Variants in PAK1 observed in about 807,000 individuals in gnomAD.
PAK1 encodes serine/threonine-protein kinase PAK 1.
Under a neutral mutation model 67.4 loss-of-function variants are expected in PAK1, and 29 were observed. The ratio of observed to expected loss-of-function variants is 0.43; its 90% CI spans 0.32 to 0.59. The LOEUF (loss-of-function observed/expected upper bound fraction) is 0.59, where lower values mean the gene tolerates loss of function less well. PAK1 is among the 20% of genes least tolerant of loss of function. The pLI is 0.07. For synonymous variants in PAK1, 223 were observed against 237.4 expected, an observed-to-expected ratio of 0.94 and a Z score of 0.56; for missense variants, 337 against 670.7, an observed-to-expected ratio of 0.50 and a Z score of 5.50.
rs936665850 is a variant in PAK1 at position 77,322,858 on chromosome 11, A to C, written c.*416T>G. ...TGAGGTGTCTGGGCAGTTGAGTCAC[A>C]GAAAAGCAAGCACTAAAGAAATCTC... On this transcript the variant is annotated 3_prime_UTR_variant, in exon 15 of 15. Transcript: ENST00000356341. 11 of 489,602 alleles carry C rather than the reference A, an allele frequency of 2.2e-5. No homozygotes were observed. Among genetic ancestry groups the C allele is most frequent in the Middle Eastern group, 5.5e-4 (1 of 1,814 alleles). 30.3% of individuals were successfully genotyped at this position (489,602 alleles called of 1,614,324 possible).
chr11:77,482,190 T>A, the PAK1 span, among the ~76,000 whole-genome samples: 1 of 151,904 alleles, frequency 6.6e-6, no homozygotes. Context: ...GGTTTCATCA[T>A]ATTGGTCAGG....
chr11:77,395,701 C>T (rs1253639340), intron 1 of PAK1, among the ~76,000 whole-genome samples: 2 of 152,174 alleles, frequency 1.3e-5, no homozygotes, highest in East Asian at 3.8e-4. Flanking sequence ...CAAACCCTAA[C>T]CCCACTTCTT....
chr11:77,490,989 T>C, the PAK1 span, among the ~76,000 whole-genome samples: 1 of 152,120 alleles, frequency 6.6e-6, no homozygotes, highest in African/African-American at 2.4e-5. Flanking sequence ...ACACAAACAC[T>C]GCGGAAGGCC....
chr11:77,348,303 A>G (rs948796993), intron 9 of PAK1, among the ~76,000 whole-genome samples: 9 of 152,200 alleles, frequency 5.9e-5, no homozygotes, highest in African/African-American at 2.2e-4. Context: ...TCCACAGTTC[A>G]TTGGCTGACA....
At chr11:77,438,120 C>A (rs1956208219) in intron 1 of PAK1, among the ~76,000 whole-genome samples, 1 of 152,106 alleles carries the variant, frequency 6.6e-6, no homozygotes, top group African/African-American at 2.4e-5. Flanking sequence ...AGTTAAAATA[C>A]CTTCCCAAGG....
At chr11:77,408,271 T>C (rs527665224) in intron 1 of PAK1, 1 of 152,266 alleles carries the variant, frequency 6.6e-6, no homozygotes, top group African/African-American at 2.4e-5. Context: ...GGTTCAGAAA[T>C]ATTTGATAAT....
intron 1 of PAK1, among the ~76,000 whole-genome samples, chr11:77,456,959 T>C (rs1035540499): frequency 2.6e-5 from 4 of 152,124 alleles, no homozygotes; most frequent in Non-Finnish European, 5.9e-5. Flanking sequence ...GCCAGAATGG[T>C]CTCAATCTCC....
At chr11:77,354,297 T>C (rs141481062) in intron 7 of PAK1, among the ~76,000 whole-genome samples, 1 of 152,048 alleles carries the variant, frequency 6.6e-6, no homozygotes, top group Non-Finnish European at 1.5e-5. Context: ...GAGCTAAGAT[T>C]AGGAGTTTCA....
At chr11:77,411,463 T>C (rs753597459) in intron 1 of PAK1, among the ~76,000 whole-genome samples, 12 of 151,290 alleles carry the variant, frequency 7.9e-5, no homozygotes, top group African/African-American at 2.7e-4. Context: ...AAGCACCACG[T>C]TGGCCACCAA....
chr11:77,467,377 A>C (rs767719239), intron 1 of PAK1, among the ~76,000 whole-genome samples: 2 of 152,188 alleles, frequency 1.3e-5, no homozygotes, highest in Non-Finnish European at 2.9e-5. Flanking sequence ...TTTCTCCCGG[A>C]AACTATAAAC....
chr11:77,377,584 G>A (rs1171495889), intron 4 of PAK1, among the ~76,000 whole-genome samples: 5 of 152,062 alleles, frequency 3.3e-5, no homozygotes, highest in South Asian at 2.1e-4. Flanking sequence ...ACATATGTTC[G>A]TTCATGAATA....
Position 77,420,727 on chromosome 11 carries a change from T to A in PAK1, c.-21-28186A>T, listed in dbSNP as rs548106039. ...ACAACAGTGGATCTCAATAGTGGGGTGAAGAGGAGTTAGGGAGGGCAGGAC... is the reference window on the plus strand; with the variant it reads ...ACAACAGTGGATCTCAATAGTGGGGAGAAGAGGAGTTAGGGAGGGCAGGAC... On this transcript the variant is annotated intron_variant, in intron 1 of 14. Transcript: ENST00000356341. Among the ~76,000 whole-genome samples, 8 of 152,182 alleles carry A rather than the reference T, an allele frequency of 5.3e-5. No individual in the cohort carries two copies. The South Asian group carries it at 8.3e-4, about 16-fold the overall frequency.
chr11:77,458,466 G>A (rs763240892), intron 1 of PAK1, among the ~76,000 whole-genome samples: 4 of 151,972 alleles, frequency 2.6e-5, no homozygotes, highest in Non-Finnish European at 5.9e-5. Flanking sequence ...ATTTTAAATT[G>A]GTCTAAATTT....
Position 77,355,791 on chromosome 11 carries a change from C to A in PAK1, c.649G>T (p.Val217Leu). Reference protein sequence around the residue: ...EPLPVTPTRDVATSPISPTEN... With the variant: ...EPLPVTPTRDLATSPISPTEN... ...GTAGGTGAAATGGGAGATGTAGCCA[C>A]GTCCCGAGTTGGAGTGACAGGAAGT... Residue 217 changes from valine to leucine, a missense_variant, in exon 7 of 15, where the codon GTG (valine) becomes TTG (leucine). By Grantham distance (32) the Val-to-Leu change is conservative. Around this residue, in one of 8 missense-constraint regions of PAK1, gnomAD observed 150 missense variants for 179.0 expected, o/e 0.84. Transcript: ENST00000356341. 1 of 1,613,408 alleles carries A rather than the reference C, an allele frequency of 6.2e-7. No homozygotes were observed. The highest frequency in any genetic ancestry group is 8.5e-7 in the Non-Finnish European group (1 of 1,179,448).
chr11:77,390,321 C>T (rs1950969932), intron 2 of PAK1, among the ~76,000 whole-genome samples: 1 of 152,142 alleles, frequency 6.6e-6, no homozygotes, highest in South Asian at 2.1e-4. Flanking sequence ...CAGCCTCAGC[C>T]TCCTGAGTAG....
At chr11:77,361,047 C>T (rs890548457) in intron 5 of PAK1, among the ~76,000 whole-genome samples, 1 of 152,156 alleles carries the variant, frequency 6.6e-6, no homozygotes, top group Admixed American at 6.5e-5. Flanking sequence ...TCACTGTGTG[C>T]CAGACTCCAT....
intron 1 of PAK1, among the ~76,000 whole-genome samples, chr11:77,429,941 C>T (rs1482665401): frequency 6.6e-6 from 1 of 151,936 alleles, no homozygotes; most frequent in Admixed American, 6.6e-5. Flanking sequence ...CTCAAATGAC[C>T]CAGAAAAACT....
At chr11:77,525,336 A>T in the PAK1 span, among the ~76,000 whole-genome samples, 2 of 152,188 alleles carry the variant, frequency 1.3e-5, no homozygotes, top group Non-Finnish European at 2.9e-5. Flanking sequence ...TCTCAAAAAA[A>T]AAAAGGAAAA....
chr11:77,344,029 A>G (rs1031051747), intron 9 of PAK1, 98 bp from the exon 10 acceptor site: 77 of 777,162 alleles, frequency 9.9e-5, no homozygotes, highest in African/African-American at 9.8e-4. Context: ...AACAAAGATG[A>G]GTAAGATACA....
Sources: allele counts gnomAD v4.1 joint callset (sites outside exome capture counted in the v4.1 genomes callset), GRCh38; gene constraint gnomAD v4.1.1; regional missense constraint gnomAD v4.1.1; transcripts MANE v1.5; gene names NCBI Gene and HGNC (gene_info 2026-07-23, HGNC 2026-07-21).